The following SGCD variants were observed in gnomAD, a reference collection of about 807,000 sequenced individuals.
The protein encoded by SGCD is delta-sarcoglycan.
SGCD carries 18 observed loss-of-function variants against 36.6 expected under a neutral mutation model. That is an observed-to-expected ratio of 0.49 (90% confidence interval 0.34 to 0.73). SGCD has a LOEUF of 0.73. SGCD is among the 30% of genes least tolerant of loss of function. SGCD has a pLI of 0.01. For missense variants in SGCD, 387 were observed against 346.7 expected (o/e 1.12, Z -0.92); for synonymous variants, 133 against 130.6 (o/e 1.02, Z -0.12).
intron 3 of SGCD, among the ~76,000 whole-genome samples, chr5:156,360,752 C>T (rs191192726): frequency 0.011 from 1,662 of 152,088 alleles, 13 homozygotes; most frequent in Non-Finnish European, 0.018. Flanking sequence ...TGGGGGAAGA[C>T]GACTCACCCT....
the SGCD span, among the ~76,000 whole-genome samples, chr5:155,844,574 C>T: frequency 1.3e-5 from 2 of 151,966 alleles, no homozygotes; most frequent in South Asian, 2.1e-4. Context: ...AAGATTAGAT[C>T]GTAAATAAAA....
At chr5:156,012,786 G>T (rs993819486) in intron 1 of SGCD, among the ~76,000 whole-genome samples, 3 of 151,410 alleles carry the variant, frequency 2.0e-5, no homozygotes, top group Non-Finnish European at 4.4e-5. Context: ...CTAATATTTT[G>T]TACTTTTAGT....
chr5:155,815,395 A>T, the SGCD span, among the ~76,000 whole-genome samples: 2 of 152,248 alleles, frequency 1.3e-5, no homozygotes, highest in African/African-American at 2.4e-5. Flanking sequence ...TACATGATGT[A>T]TAGTAAAACT....
chr5:156,553,337 C>T (rs2113208665), intron 4 of SGCD, among the ~76,000 whole-genome samples: 1 of 152,258 alleles, frequency 6.6e-6, no homozygotes, highest in African/African-American at 2.4e-5. Flanking sequence ...AAAAGTGTTT[C>T]TTCTTTAAGA....
intron 1 of SGCD, among the ~76,000 whole-genome samples, chr5:156,037,291 T>C (rs1368637611): frequency 2.6e-5 from 4 of 152,154 alleles, no homozygotes; most frequent in Non-Finnish European, 4.4e-5. Context: ...AGGAGTGGCA[T>C]GTGCAAAGGC....
chr5:156,595,273 A>T (rs1203002736), intron 6 of SGCD, among the ~76,000 whole-genome samples: 1 of 152,076 alleles, frequency 6.6e-6, no homozygotes, highest in Non-Finnish European at 1.5e-5. Context: ...GGATGAGAAG[A>T]CCAGAGATCC....
At chr5:155,811,387 G>A in the SGCD span, among the ~76,000 whole-genome samples, 1 of 152,074 alleles carries the variant, frequency 6.6e-6, no homozygotes, top group South Asian at 2.1e-4. Context: ...GAATAAACCT[G>A]GATTCTTATG....
At chr5:156,462,758 A>T (rs1424414890) in intron 3 of SGCD, among the ~76,000 whole-genome samples, 1 of 152,108 alleles carries the variant, frequency 6.6e-6, no homozygotes, top group East Asian at 1.9e-4. Context: ...CTTTAATTTT[A>T]TGGATTTACA....
chr5:156,448,411 G>A (rs1753839855), intron 3 of SGCD, among the ~76,000 whole-genome samples: 4 of 152,258 alleles, frequency 2.6e-5, no homozygotes, highest in South Asian at 4.1e-4. Context: ...CAAGCAGACC[G>A]TGAGGATAAG....
intron 3 of SGCD, among the ~76,000 whole-genome samples, chr5:156,192,767 TA>T (rs890930293): frequency 1.3e-5 from 2 of 150,346 alleles, no homozygotes; most frequent in African/African-American, 4.9e-5. Context: ...TATGTGTCAA[TA>T]AAAAAAATCT....
chr5:156,178,910 C>T (rs915321940), intron 3 of SGCD, among the ~76,000 whole-genome samples: 2 of 152,172 alleles, frequency 1.3e-5, no homozygotes, highest in African/African-American at 4.8e-5. Context: ...GAGATTTTAG[C>T]AGTGCCTACA....
intron 3 of SGCD, among the ~76,000 whole-genome samples, chr5:156,258,012 C>T (rs1765759602): frequency 6.6e-6 from 1 of 152,132 alleles, no homozygotes; most frequent in African/African-American, 2.4e-5. Flanking sequence ...GCTGAACCAG[C>T]TGGTTTTTTT....
In SGCD at chr5:156,512,191, C is replaced by CAAA. The variant is rs759345867; in HGVS notation, c.294+3509_294+3511dup. ...CCTGGATGACAGTGAGACTCTGTCTCAAAAAAAAAAAAAAAAAAAAAAGGA... is the reference window on the plus strand; with the variant it reads ...CCTGGATGACAGTGAGACTCTGTCTCAAAAAAAAAAAAAAAAAAAAAAAAAGGA... On this transcript the variant is annotated intron_variant, in intron 4 of 8. Transcript: ENST00000337851. Among the ~76,000 whole-genome samples the CAAA allele has an allele frequency of 4.0e-3, 267 of 66,256 alleles. 5 individuals carry two copies. Among genetic ancestry groups the CAAA allele is most frequent in the East Asian group, 6.1e-3 (13 of 2,116 alleles). The allele number at this position is 66,256 out of a possible 152,430, so 43.5% of individuals were successfully genotyped here.
At chr5:156,617,990 C>G (rs1471564934) in intron 6 of SGCD, among the ~76,000 whole-genome samples, 1 of 152,258 alleles carries the variant, frequency 6.6e-6, no homozygotes, top group Non-Finnish European at 1.5e-5. Flanking sequence ...ATGGACATCA[C>G]TTAAATGTAT....
At chr5:155,948,299 A>C (rs186392828) in intron 1 of SGCD, among the ~76,000 whole-genome samples, 131 of 152,198 alleles carry the variant, frequency 8.6e-4, no homozygotes, top group African/African-American at 1.8e-3. Flanking sequence ...ACTAATAATA[A>C]TAATAATAAA....
chr5:156,324,066 T>G (rs1167874185), upstream of SGCD, among the ~76,000 whole-genome samples: 1 of 152,202 alleles, frequency 6.6e-6, no homozygotes, highest in Non-Finnish European at 1.5e-5. Context: ...ACATGACATA[T>G]AAATATGAAA....
At chr5:156,344,464 T>C in intron 2 of SGCD, 25 bp from the exon 3 acceptor site, 4 of 1,511,740 alleles carry the variant, frequency 2.6e-6, no homozygotes, top group Non-Finnish European at 3.5e-6. Flanking sequence ...ATGTGAGTGC[T>C]TCTCTCTTGC....
At chr5:155,935,921 A>G (rs921261537) in intron 1 of SGCD, among the ~76,000 whole-genome samples, 12 of 152,162 alleles carry the variant, frequency 7.9e-5, no homozygotes, top group African/African-American at 2.9e-4. Flanking sequence ...ACAGTCAGGC[A>G]CACCAGCTGC....
intron 3 of SGCD, among the ~76,000 whole-genome samples, chr5:156,217,166 C>T (rs1376021637): frequency 2.0e-5 from 3 of 152,224 alleles, no homozygotes; most frequent in South Asian, 2.1e-4. Flanking sequence ...AAAGTATTAA[C>T]GTGATTGACA....
Sources: gnomAD v4.1 joint callset for allele counts (sites outside exome capture counted in the v4.1 genomes callset) on GRCh38, gnomAD v4.1.1 for gene constraint, MANE v1.5 for transcripts, NCBI Gene and HGNC (gene_info 2026-07-23, HGNC 2026-07-21) for gene names.